Variants in COL12A1 observed in about 807,000 individuals in gnomAD.
COL12A1 encodes the protein collagen alpha-1(XII) chain.
In COL12A1, 114 loss-of-function variants were observed where a neutral mutation model predicts 349.7. That is an observed-to-expected ratio of 0.33 (90% CI 0.28 to 0.38). The LOEUF (loss-of-function observed/expected upper bound fraction) is 0.38, where lower values mean the gene tolerates loss of function less well. Ranked by LOEUF, COL12A1 falls within the 10% of genes least tolerant of loss-of-function variation. The probability of loss-of-function intolerance (pLI) is 1.00; values close to 1 mark genes in which losing one functional copy is unlikely to be tolerated. For missense variants in COL12A1, 3,284 were observed against 3,756.9 expected, an observed-to-expected ratio of 0.87 and a Z score of 3.29; for synonymous variants, 1,369 against 1,329.0, an observed-to-expected ratio of 1.03 and a Z score of -0.66.
At position 75,145,405 on chromosome 6, in the gene COL12A1, G is replaced by C. The variant is rs764208196; in HGVS notation, c.4611C>G (p.Pro1537=). The C allele has an allele frequency of 4.3e-6, 7 of 1,614,012 alleles. No individual in the cohort carries two copies. In the South Asian group the frequency reaches 7.7e-5, roughly 18 times the overall value. ...VNDMQLTDLV[P]NTEYAVTVQA... ...GGACTGTGACTGCATACTCCGTGTT[G>C]GGAACAAGGTCAGTCAGCTGCATGT... The change falls in exon 25 of 66, where the codon CCC becomes CCG. Residue 1537 remains proline, a synonymous_variant. Coordinates refer to ENST00000322507, the MANE Select transcript of COL12A1 (RefSeq NM_004370.6).
At chr6:75,161,291 T>C (rs1316061507) in intron 14 of COL12A1, among the ~76,000 whole-genome samples, 1 of 152,218 alleles carries the variant, frequency 6.6e-6, no homozygotes, top group African/African-American at 2.4e-5. Flanking sequence ...CTTGTTAACT[T>C]TAAATCATCT....
At chr6:75,198,277 C>G (rs928004671) in intron 2 of COL12A1, among the ~76,000 whole-genome samples, 1 of 152,054 alleles carries the variant, frequency 6.6e-6, no homozygotes, top group Non-Finnish European at 1.5e-5. Context: ...TGACCTTGAG[C>G]AGTAGGATAT....
chr6:75,086,119 AC>A lies in COL12A1; in HGVS notation c.*427del, dbSNP rs1767476299. 1 of 152,968 alleles carries A rather than the reference AC, an allele frequency of 6.5e-6. No homozygotes were observed. The highest frequency in any genetic ancestry group is 2.4e-5 in the African/African-American group (1 of 41,448). 9.5% of individuals were successfully genotyped at this position (152,968 alleles called of 1,614,324 possible). A position where few individuals can be genotyped will look rare whatever the true frequency, so the allele number is the denominator to read the frequency against. On this transcript the variant is annotated 3_prime_UTR_variant, in exon 66 of 66. Coordinates refer to ENST00000322507, the MANE Select transcript of COL12A1 (RefSeq NM_004370.6). ...TAGAATTGTTAAGTGATTTTAGTCG[AC>A]AGGATCACATACAAATCATTTACAA...
intron 24 of COL12A1, 145 bp downstream of exon 24, chr6:75,145,957 G>GT: frequency 1.1e-6 from 1 of 874,046 alleles, no homozygotes; most frequent in East Asian, 2.8e-5. Context: ...TCTACAATGT[G>GT]TTGCAGACCA....
In COL12A1 at chr6:75,107,837, T is replaced by C. The variant is rs561064343; in HGVS notation, c.8100+1181A>G. 1.7e-3 allele frequency among the ~76,000 whole-genome samples: 265 copies of C among 152,350 alleles called. 1 individual carries two copies. Among genetic ancestry groups the C allele is most frequent in the African/African-American group, 5.6e-3 (234 of 41,588 alleles). ...TTTTAAAAACCTGATGTAATTGTTATACTTAAATATCAGATTCAATATTCA... is the reference window on the plus strand; with the variant it reads ...TTTTAAAAACCTGATGTAATTGTTACACTTAAATATCAGATTCAATATTCA... On this transcript the variant is annotated intron_variant, in intron 52 of 65. Coordinates refer to ENST00000322507, the MANE Select transcript of COL12A1 (RefSeq NM_004370.6).
chr6:75,161,221 G>T (rs1451726786), intron 14 of COL12A1, among the ~76,000 whole-genome samples: 1 of 151,974 alleles, frequency 6.6e-6, no homozygotes, highest in Non-Finnish European at 1.5e-5. Context: ...CCACACAGAT[G>T]GTGACCCCCA....
intron 47 of COL12A1, among the ~76,000 whole-genome samples, chr6:75,116,523 T>C (rs1356958467): frequency 2.0e-5 from 3 of 152,034 alleles, no homozygotes; most frequent in African/African-American, 7.2e-5. Flanking sequence ...CCCTCAGAGC[T>C]GAGGGTACCA....
rs781281632 is a variant in COL12A1, at chr6:75,121,351, A to G, written c.7037T>C (p.Ile2346Thr). Residue 2346 changes from isoleucine to threonine, a missense_variant, in exon 44 of 66, where the codon ATC (isoleucine) becomes ACC (threonine). Transcript: ENST00000322507. ...DDNFNKVVKF[I>T]FNTVGGFDEI... ...ATCAAAGCCTCCCACAGTATTGAAG[A>G]TGAATTTTACAACTTTGTTAAAATT... 3.1e-6 allele frequency: 5 copies of G among 1,612,302 alleles called. No individual in the cohort carries two copies. The highest frequency in any genetic ancestry group is 4.2e-6 in the Non-Finnish European group (5 of 1,178,732).
rs918428676 is a variant in COL12A1, at chr6:75,156,731, T to C, written c.2984-208A>G. Among the ~76,000 whole-genome samples the C allele has an allele frequency of 2.6e-5, 4 of 152,340 alleles. No individual in the cohort carries two copies. The East Asian group carries it at 7.7e-4, about 29-fold the overall frequency. ...GTAAGATGTTTTCGTTTTATCTAGC[T>C]AATACTAAAAAATGGAAGTTCATAT... On this transcript the variant is annotated intron_variant, in intron 14 of 65. Coordinates refer to ENST00000322507, the MANE Select transcript of COL12A1 (RefSeq NM_004370.6).
Position 75,202,825 on chromosome 6 carries a change from G to T in COL12A1, c.-33C>A. 2 of 1,546,840 alleles carry T rather than the reference G, an allele frequency of 1.3e-6. No individual in the cohort carries two copies. Among genetic ancestry groups the T allele is most frequent in the Non-Finnish European group, 1.8e-6 (2 of 1,142,630 alleles). On this transcript the variant is annotated splice_region_variant and 5_prime_UTR_variant, in exon 2 of 66. Coordinates refer to ENST00000322507, the MANE Select transcript of COL12A1 (RefSeq NM_004370.6). ...CTCCGAGCTTACAGCGGCATGAAGA[G>T]ATCTGCGGGAGGAAGTAGTGACTGC... is the stretch of plus-strand genomic sequence containing the variant.
chr6:75,190,682 T>C (rs1437245865), intron 5 of COL12A1, among the ~76,000 whole-genome samples: 2 of 151,928 alleles, frequency 1.3e-5, no homozygotes, highest in Non-Finnish European at 2.9e-5. Flanking sequence ...TTTCTGATGA[T>C]GATTTTGTTC....
chr6:75,107,297 G>A (rs181476951), intron 52 of COL12A1, among the ~76,000 whole-genome samples: 43 of 151,976 alleles, frequency 2.8e-4, no homozygotes, highest in Middle Eastern at 3.4e-3. Context: ...TTTTGAGATG[G>A]AGTCTCACTG....
intron 65 of COL12A1, 94 bp downstream of exon 65, chr6:75,087,483 T>A: frequency 3.9e-6 from 5 of 1,295,820 alleles, no homozygotes; most frequent in Non-Finnish European, 5.4e-6. Context: ...TCAAGACATC[T>A]TCAAATCAGC....
intron 39 of COL12A1, among the ~76,000 whole-genome samples, chr6:75,125,558 C>G (rs898193023): frequency 6.6e-6 from 1 of 152,086 alleles, no homozygotes; most frequent in Non-Finnish European, 1.5e-5. Flanking sequence ...GCTTCTTTCT[C>G]AAGCCCTATT....
intron 24 of COL12A1, 86 bp from the exon 25 acceptor site, chr6:75,145,541 G>T: frequency 2.3e-6 from 3 of 1,325,182 alleles, no homozygotes; most frequent in Non-Finnish European, 3.1e-6. Context: ...AAGTTTATTT[G>T]TACTAGATTA....
chr6:75,086,494 C>A lies in COL12A1; in HGVS notation c.*53G>T. On this transcript the variant is annotated 3_prime_UTR_variant, in exon 66 of 66. Transcript: ENST00000322507. The stretch of plus-strand genomic sequence containing the variant: ...AGCACGTGCGCAAACATCTCAGAAA[C>A]AGGATTTTCATGTATTCAAACTGTA... 6.4e-7 allele frequency: 1 copy of A among 1,560,830 alleles called. No homozygotes were observed. Among genetic ancestry groups the A allele is most frequent in the Non-Finnish European group, 8.7e-7 (1 of 1,143,442 alleles).
rs942214127 is a variant in COL12A1 at position 75,154,633 on chromosome 6, C to G, written c.3444-96G>C. The G allele has an allele frequency of 2.3e-5, 29 of 1,268,788 alleles. No individual in the cohort carries two copies. In the African/African-American group the frequency reaches 4.1e-4, roughly 18 times the overall value. 78.6% of individuals were successfully genotyped at this position (1,268,788 alleles called of 1,614,324 possible). A position where few individuals can be genotyped will look rare whatever the true frequency, so the allele number is the denominator to read the frequency against. ...TGTTAAAGACATTTTTCTTGATTTA[C>G]AAGCTTACACTATGAAGAGTTTATA... is the stretch of plus-strand genomic sequence containing the variant. On this transcript the variant is annotated intron_variant, in intron 16 of 65. Transcript: ENST00000322507.
intron 1 of COL12A1, among the ~76,000 whole-genome samples, chr6:75,205,009 G>T (rs902489818): frequency 6.6e-6 from 1 of 151,912 alleles, no homozygotes; most frequent in African/African-American, 2.4e-5. Context: ...CCGCTTGGGG[G>T]TACCTGTTCC....
rs772306365 is a variant in COL12A1 at position 75,142,067 on chromosome 6, C to T, written c.4922G>A (p.Gly1641Glu). Residue 1641 changes from glycine to glutamate, a missense_variant, in exon 27 of 66, where the codon GGG becomes GAG. Physicochemically the swap from Gly to Glu is moderately conservative, Grantham distance 98. Coordinates refer to ENST00000322507, the MANE Select transcript of COL12A1 (RefSeq NM_004370.6). Reference protein sequence around the residue: ...TVSVSAVHDEGESPPVTAQET... With the variant: ...TVSVSAVHDEEESPPVTAQET... ...TTGAGCAGTCACTGGAGGAGACTCC[C>T]CCTCGTCATGTACTGCAGAAACGCT... The T allele has an allele frequency of 1.7e-5, 28 of 1,614,040 alleles. No individual in the cohort carries two copies. The South Asian group carries it at 3.0e-4, about 17-fold the overall frequency.
Sources: allele counts gnomAD v4.1 joint callset (sites outside exome capture counted in the v4.1 genomes callset), GRCh38; gene constraint gnomAD v4.1.1; transcripts MANE v1.5; gene names NCBI Gene and HGNC (gene_info 2026-07-23, HGNC 2026-07-21).